COL5A2: variants seen among roughly 807,000 people sequenced by gnomAD.
The protein encoded by COL5A2 is collagen alpha-2(V) chain.
A neutral mutation model predicts 208.2 loss-of-function variants in COL5A2; 23 were observed. The ratio of observed to expected loss-of-function variants is 0.11; its 90% CI spans 0.08 to 0.16. The LOEUF (loss-of-function observed/expected upper bound fraction) is 0.16, where lower values mean the gene tolerates loss of function less well. Among genes scored for constraint, COL5A2 ranks in the 10% least tolerant of loss-of-function variants. COL5A2 has a pLI of 1.00. For synonymous variants in COL5A2, 625 were observed against 628.5 expected (o/e 0.99, Z 0.08); for missense variants, 1,590 against 1,956.4 (o/e 0.81, Z 3.53).
chr2:189,432,407 A>C, the COL5A2 span, among the ~76,000 whole-genome samples: 1 of 152,126 alleles, frequency 6.6e-6, no homozygotes, highest in Non-Finnish European at 1.5e-5. Context: ...AAGAGTCAAG[A>C]CCCATCAGTG....
At chr2:189,412,538 T>C in the COL5A2 span, among the ~76,000 whole-genome samples, 1 of 152,232 alleles carries the variant, frequency 6.6e-6, no homozygotes, top group Middle Eastern at 3.2e-3. Context: ...GATGCTCCTT[T>C]GCTGCCACCA....
chr2:189,434,717 G>A, the COL5A2 span, among the ~76,000 whole-genome samples: 1 of 152,256 alleles, frequency 6.6e-6, no homozygotes, highest in East Asian at 1.9e-4. Context: ...CTCATGGAGA[G>A]GAAGAATCAA....
At chr2:189,427,408 G>C in the COL5A2 span, among the ~76,000 whole-genome samples, 2 of 152,354 alleles carry the variant, frequency 1.3e-5, no homozygotes, top group East Asian at 3.9e-4. Flanking sequence ...CAGCTGCAGG[G>C]GCAGAGCCCT....
intron 38 of COL5A2, 45 bp from the exon 39 acceptor site, chr2:189,053,063 G>A: frequency 7.0e-7 from 1 of 1,432,164 alleles, no homozygotes; most frequent in Non-Finnish European, 9.8e-7. Flanking sequence ...AAGACTTATA[G>A]ACAAATTACT....
At chr2:189,106,074 A>G (rs1687143243) in intron 2 of COL5A2, among the ~76,000 whole-genome samples, 1 of 151,418 alleles carries the variant, frequency 6.6e-6, no homozygotes, top group Non-Finnish European at 1.5e-5. Context: ...AATTGCTCTT[A>G]TTCTTAAGGA....
intron 1 of COL5A2, among the ~76,000 whole-genome samples, chr2:189,128,946 C>T (rs1250075109): frequency 2.0e-5 from 3 of 151,814 alleles, no homozygotes; most frequent in Non-Finnish European, 4.4e-5. Flanking sequence ...AGGCAAAAAC[C>T]CTCTTGAATT....
At chr2:189,412,280 T>G in the COL5A2 span, among the ~76,000 whole-genome samples, 3 of 152,062 alleles carry the variant, frequency 2.0e-5, no homozygotes, top group African/African-American at 7.2e-5. Context: ...GAAAAGACAG[T>G]GAGAAAGAGG....
the COL5A2 span, among the ~76,000 whole-genome samples, chr2:189,360,762 C>A: frequency 6.6e-6 from 1 of 152,134 alleles, no homozygotes; most frequent in Admixed American, 6.6e-5. Flanking sequence ...TATCCTGATG[C>A]TCTCCCTTCC....
intron 1 of COL5A2, among the ~76,000 whole-genome samples, chr2:189,185,650 A>G (rs920356049): frequency 2.0e-5 from 3 of 152,188 alleles, no homozygotes; most frequent in Admixed American, 6.5e-5. Flanking sequence ...ACCCACGAGC[A>G]TGTTCTGTGT....
At chr2:189,170,207 A>C (rs561116858) in intron 1 of COL5A2, among the ~76,000 whole-genome samples, 1 of 152,318 alleles carries the variant, frequency 6.6e-6, no homozygotes, top group Non-Finnish European at 1.5e-5. Flanking sequence ...ATTGCCCGAG[A>C]ATATGGAAAT....
chr2:189,251,276 G>A, the COL5A2 span, among the ~76,000 whole-genome samples: 1 of 152,272 alleles, frequency 6.6e-6, no homozygotes, highest in African/African-American at 2.4e-5. Context: ...ATGAGAGACA[G>A]ATCAAGATCA....
intron 8 of COL5A2, among the ~76,000 whole-genome samples, chr2:189,087,017 C>T (rs1207753388): frequency 1.3e-5 from 2 of 152,208 alleles, no homozygotes; most frequent in African/African-American, 4.8e-5. Flanking sequence ...TGTCTGTACA[C>T]ACCCAATGTC....
chr2:189,392,069 A>C, the COL5A2 span, among the ~76,000 whole-genome samples: 1 of 152,178 alleles, frequency 6.6e-6, no homozygotes, highest in East Asian at 1.9e-4. Flanking sequence ...ATTTTTAAAA[A>C]TAAAACAATT....
the COL5A2 span, among the ~76,000 whole-genome samples, chr2:189,247,575 A>C: frequency 6.6e-6 from 1 of 151,010 alleles, no homozygotes; most frequent in Non-Finnish European, 1.5e-5. Context: ...TTTTCAAAAA[A>C]AAAATTTCTT....
At chr2:189,128,568 T>G (rs1179013019) in intron 1 of COL5A2, among the ~76,000 whole-genome samples, 1 of 151,960 alleles carries the variant, frequency 6.6e-6, no homozygotes, top group Non-Finnish European at 1.5e-5. Context: ...TCAGAATCGC[T>G]CAGAGAATTT....
Position 189,043,216 on chromosome 2 carries a change from G to T in COL5A2, c.3406C>A (p.Arg1136=), listed in dbSNP as rs754843093. Residue 1136 remains arginine (R), a synonymous_variant, in exon 48 of 54, where the codon CGA becomes AGA. Coordinates refer to ENST00000374866, the MANE Select transcript of COL5A2 (RefSeq NM_000393.5). The part of the protein sequence containing the change: ...PRGDKGDHGD[R]GDRGQKGHRG... ...TGGCCCTTCTGACCTCTGTCACCTC[G>T]GTCTCCATGATCACCTTTGTCACCA... 4.3e-6 allele frequency: 7 copies of T among 1,613,672 alleles called. No individual in the cohort carries two copies. The highest frequency in any genetic ancestry group is 8.5e-7 in the Non-Finnish European group (1 of 1,179,858).
the COL5A2 span, among the ~76,000 whole-genome samples, chr2:189,333,752 A>G: frequency 6.6e-6 from 1 of 152,102 alleles, no homozygotes; most frequent in Non-Finnish European, 1.5e-5. Context: ...CCAATCTATC[A>G]GTCAAGAAGA....
intron 49 of COL5A2, 120 bp downstream of exon 49, chr2:189,042,600 C>T: frequency 1.1e-6 from 1 of 905,118 alleles, no homozygotes; most frequent in South Asian, 1.4e-5. Context: ...GTGTTGCCAA[C>T]CTCAGAGAAG....
intron 1 of COL5A2, among the ~76,000 whole-genome samples, chr2:189,179,122 C>G (rs892206551): frequency 6.6e-6 from 1 of 152,190 alleles, no homozygotes; most frequent in Non-Finnish European, 1.5e-5. Flanking sequence ...CCACCCTACC[C>G]AGCTTCTGCC....
Sources: allele counts gnomAD v4.1 joint callset (sites outside exome capture counted in the v4.1 genomes callset), GRCh38; gene constraint gnomAD v4.1.1; transcripts MANE v1.5; gene names NCBI Gene and HGNC (gene_info 2026-07-23, HGNC 2026-07-21).